The following MTIF2 variants were observed in gnomAD, a reference collection of about 807,000 sequenced individuals.
MTIF2 encodes the protein translation initiation factor IF-2, mitochondrial.
MTIF2 carries 71 observed loss-of-function variants against 83.5 expected under a neutral mutation model. The observed-to-expected ratio is 0.85, with a 90% CI of 0.70 to 1.04. The LOEUF (loss-of-function observed/expected upper bound fraction) is 1.04. Ranked by LOEUF, MTIF2 falls within the 50% of genes least tolerant of loss-of-function variation. MTIF2 has a pLI of 0.00. For missense variants in MTIF2, 957 were observed against 846.5 expected (o/e 1.13, Z -1.62); for synonymous variants, 319 against 287.1 (o/e 1.11, Z -1.12).
intron 5 of MTIF2, among the ~76,000 whole-genome samples, chr2:55,259,145 T>G (rs1677769514): frequency 6.6e-6 from 1 of 152,200 alleles, no homozygotes; most frequent in Admixed American, 6.6e-5. Context: ...TATTTTAATT[T>G]TATCCAAGAC....
At chr2:55,238,242 C>T (rs566189327) in intron 14 of MTIF2, among the ~76,000 whole-genome samples, 22 of 151,908 alleles carry the variant, frequency 1.4e-4, no homozygotes, top group South Asian at 4.2e-4. Flanking sequence ...GTCTTGAATT[C>T]GTGGCCTCAA....
At chr2:55,259,123 G>A (rs1342268518) in intron 5 of MTIF2, among the ~76,000 whole-genome samples, 2 of 152,036 alleles carry the variant, frequency 1.3e-5, no homozygotes, top group Non-Finnish European at 2.9e-5. Context: ...AATGCATATG[G>A]TATTAACATA....
intron 5 of MTIF2, among the ~76,000 whole-genome samples, chr2:55,255,152 G>C (rs1001958585): frequency 6.6e-6 from 1 of 150,916 alleles, no homozygotes; most frequent in Non-Finnish European, 1.5e-5. Context: ...AAAATTTAAG[G>C]TCACAAATGT....
chr2:55,258,673 G>A (rs183502670), intron 5 of MTIF2, among the ~76,000 whole-genome samples: 155 of 152,088 alleles, frequency 1.0e-3, no homozygotes, highest in Middle Eastern at 3.4e-3. Context: ...TTAGCCAGGC[G>A]TGGTGGCACA....
chr2:55,249,702 C>A (rs879534626), intron 8 of MTIF2, among the ~76,000 whole-genome samples, 168 bp from the exon 9 acceptor site: 1 of 152,092 alleles, frequency 6.6e-6, no homozygotes, highest in Non-Finnish European at 1.5e-5. Context: ...CCCTACTCTG[C>A]GCTCTACATA....
Position 55,236,696 on chromosome 2 carries a change from A to G in MTIF2, c.2136T>C (p.Tyr712=), listed in dbSNP as rs1305528629. The G allele has an allele frequency of 6.2e-7, 1 of 1,604,184 alleles. No individual in the cohort carries two copies. The highest frequency in any genetic ancestry group is 1.3e-5 in the African/African-American group (1 of 74,416). ...EFQVGDRIVC[Y]EEKQIQAKTS... ...TCTTGGCTTGAATTTGCTTTTCTTC[A>G]TAACAAACAATTCTGTCTCCCACTT... is the stretch of plus-strand genomic sequence containing the variant. Residue 712 remains tyrosine (Y), a synonymous_variant, in exon 16 of 16, where the codon TAT becomes TAC. Coordinates refer to ENST00000263629, the MANE Select transcript of MTIF2 (RefSeq NM_002453.3).
intron 3 of MTIF2, 135 bp from the exon 4 acceptor site, chr2:55,264,000 G>C (rs554926134): frequency 1.5e-6 from 1 of 664,634 alleles, no homozygotes; most frequent in Non-Finnish European, 2.5e-6. Flanking sequence ...CTGGGTTCCT[G>C]CCCTGAAAAA....
chr2:55,256,328 A>ACAATATAT (rs149034173), intron 5 of MTIF2, among the ~76,000 whole-genome samples: 36 of 138,776 alleles, frequency 2.6e-4, no homozygotes, highest in African/African-American at 8.2e-4. Flanking sequence ...ACACACACAC[A>ACAATATAT]ATATATATCT....
rs912996866 is a variant in MTIF2, at chr2:55,236,791, C to T, written c.2041G>A (p.Asp681Asn). ...GSLTSLKHHKDDISIVKTGMD... is the reference protein window; with the variant it reads ...GSLTSLKHHKNDISIVKTGMD... ...CCCGTTTTGACAATTGAAATGTCAT[C>T]TTTATGGTGTTTCAATGAGGTTAAT... The change falls in exon 16 of 16, where the codon GAT becomes AAT. Residue 681 changes from aspartate to asparagine, a missense_variant. By Grantham distance (23) the Asp-to-Asn change is conservative. Transcript: ENST00000263629. The T allele has an allele frequency of 6.2e-7, 1 of 1,606,084 alleles. No homozygotes were observed. The highest frequency in any genetic ancestry group is 1.3e-5 in the African/African-American group (1 of 74,564).
chr2:55,242,012 G>A (rs1023427272), intron 13 of MTIF2, among the ~76,000 whole-genome samples: 1 of 151,414 alleles, frequency 6.6e-6, no homozygotes, highest in Non-Finnish European at 1.5e-5. Flanking sequence ...CAGGCATGGT[G>A]GTGCACGCCT....
intron 3 of MTIF2, among the ~76,000 whole-genome samples, chr2:55,265,890 T>G (rs887597594): frequency 6.6e-6 from 1 of 152,234 alleles, no homozygotes; most frequent in African/African-American, 2.4e-5. Context: ...CTACTGAATA[T>G]GTACACCTTT....
At chr2:55,264,333 G>A (rs1678266934) in intron 3 of MTIF2, among the ~76,000 whole-genome samples, 2 of 152,180 alleles carry the variant, frequency 1.3e-5, no homozygotes, top group African/African-American at 4.8e-5. Context: ...CCAGGCTAAG[G>A]TGATGCTCTC....
intron 5 of MTIF2, among the ~76,000 whole-genome samples, chr2:55,256,687 C>A (rs113278511): frequency 7.1e-6 from 1 of 141,384 alleles, no homozygotes; most frequent in Non-Finnish European, 1.5e-5. Context: ...GGTGACAGAG[C>A]GAGACTCCAT....
In MTIF2 at chr2:55,268,698, G is replaced by A. The variant is rs1678613874; in HGVS notation, c.-195C>T. ...TAGAACCCAGACGTTCTGACTCCCA[G>A]TACGGTGTTGTTTCGCCGCTAGGAT... On this transcript the variant is annotated 5_prime_UTR_variant, in exon 2 of 16. Transcript: ENST00000263629. 1.3e-5 allele frequency: 2 copies of A among 152,284 alleles called. No homozygotes were observed. Among genetic ancestry groups the A allele is most frequent in the Admixed American group, 6.5e-5 (1 of 15,276 alleles). The allele number at this position is 152,284 out of a possible 1,614,324, so 9.4% of individuals were successfully genotyped here.
intron 3 of MTIF2, among the ~76,000 whole-genome samples, chr2:55,264,805 T>C (rs1678305928): frequency 6.6e-6 from 1 of 152,166 alleles, no homozygotes; most frequent in South Asian, 2.1e-4. Flanking sequence ...AAGAGTTTTT[T>C]TGAGAAAAAA....
chr2:55,238,196 A>T (rs1295655607), intron 14 of MTIF2, among the ~76,000 whole-genome samples: 5 of 151,222 alleles, frequency 3.3e-5, no homozygotes, highest in Non-Finnish European at 7.4e-5. Flanking sequence ...ATGCCCACTA[A>T]TTTTTTTATT....
At position 55,252,303 on chromosome 2, in the gene MTIF2, G is replaced by A. The variant is rs987122965; in HGVS notation, c.841+174C>T. Among the ~76,000 whole-genome samples, 4 of 152,170 alleles carry A rather than the reference G, an allele frequency of 2.6e-5. No individual in the cohort carries two copies. In the South Asian group the frequency reaches 8.3e-4, roughly 32 times the overall value. ...GGTCACAACTCCCAAGTTGAATCCTGCTATACTCTTCCTATTAGTTATAAG... is the reference window on the plus strand; with the variant it reads ...GGTCACAACTCCCAAGTTGAATCCTACTATACTCTTCCTATTAGTTATAAG... On this transcript the variant is annotated intron_variant, in intron 8 of 15. Transcript: ENST00000263629.
At chr2:55,265,329 A>G (rs1275121754) in intron 3 of MTIF2, among the ~76,000 whole-genome samples, 1 of 150,066 alleles carries the variant, frequency 6.7e-6, no homozygotes, top group Non-Finnish European at 1.5e-5. Context: ...TCTGCTTGAT[A>G]TTGTTGATTC....
intron 14 of MTIF2, among the ~76,000 whole-genome samples, chr2:55,238,895 T>G (rs1676093728): frequency 6.6e-6 from 1 of 152,194 alleles, no homozygotes; most frequent in South Asian, 2.1e-4. Flanking sequence ...CTCTGTACGA[T>G]CATGTTGAGC....
Sources: allele counts gnomAD v4.1 joint callset (sites outside exome capture counted in the v4.1 genomes callset), GRCh38; gene constraint gnomAD v4.1.1; transcripts MANE v1.5; gene names NCBI Gene and HGNC (gene_info 2026-07-23, HGNC 2026-07-21).